CEP350: variants seen among roughly 807,000 people sequenced by gnomAD.
CEP350 encodes centrosomal protein 350.
Under a neutral mutation model 331.8 loss-of-function variants are expected in CEP350, and 126 were observed. The observed-to-expected ratio is 0.38, with a 90% CI of 0.33 to 0.44. The LOEUF (loss-of-function observed/expected upper bound fraction) is 0.44. Among genes scored for constraint, CEP350 ranks in the 20% least tolerant of loss-of-function variants. The probability of loss-of-function intolerance (pLI) is 1.00; values close to 1 mark genes in which losing one functional copy is unlikely to be tolerated. For synonymous variants in CEP350, 1,200 were observed against 1,259.5 expected (o/e 0.95, Z 1.00); for missense variants, 3,406 against 3,634.6 (o/e 0.94, Z 1.62).
Position 180,061,186 on chromosome 1 carries a change from CATTGATTGATTG to C in CEP350, c.5263-1016_5263-1005del, listed in dbSNP as rs145891471. 4.4e-3 allele frequency among the ~76,000 whole-genome samples: 662 copies of C among 150,546 alleles called. 4 individuals carry two copies. The highest frequency in any genetic ancestry group is 0.015 in the African/African-American group (630 of 41,072). ...TTATTATGCTTTATTGATAAGAAAA[CATTGATTGATTG>C]ATTGATTGATTGATTGAGACAGGGT... On this transcript the variant is annotated intron_variant, in intron 25 of 37. Transcript: ENST00000367607.
chr1:179,973,857 C>T (rs1426780431), intron 1 of CEP350, among the ~76,000 whole-genome samples: 7 of 151,678 alleles, frequency 4.6e-5, no homozygotes, highest in Admixed American at 3.3e-4. Context: ...CATTTACTGC[C>T]GTAGTGATAA....
intron 1 of CEP350, among the ~76,000 whole-genome samples, chr1:179,959,704 A>G (rs1357270936): frequency 6.6e-6 from 1 of 152,170 alleles, no homozygotes; most frequent in Non-Finnish European, 1.5e-5. Flanking sequence ...CAGTGAGCCA[A>G]GATTGCACCA....
At chr1:180,006,709 T>C (rs541490918) in intron 8 of CEP350, 142 bp downstream of exon 8, 2 of 587,644 alleles carry the variant, frequency 3.4e-6, no homozygotes, top group South Asian at 4.4e-5. Flanking sequence ...GCTGTACCCA[T>C]TAACCCGTCA....
chr1:180,092,867 A>C lies in CEP350; in HGVS notation c.6762A>C (p.Lys2254Asn). Residue 2254 changes from lysine to asparagine, a missense_variant, in exon 34 of 38, where the codon AAA (lysine) becomes AAC (asparagine). Lys to Asn is a moderately conservative substitution (Grantham distance 94, BLOSUM62 0). Coordinates refer to ENST00000367607, the MANE Select transcript of CEP350 (RefSeq NM_014810.5). ...MSDGKVGESS[K>N]KSEIKEIEYT... ...ATGGCAAGGTTGGAGAATCTAGTAA[A>C]AAATCAGAAATAAAAGAAATAGAGT... 1.9e-6 allele frequency: 3 copies of C among 1,567,158 alleles called. No homozygotes were observed. The highest frequency in any genetic ancestry group is 2.6e-6 in the Non-Finnish European group (3 of 1,154,886).
At chr1:180,100,085 G>A (rs1170458613) in intron 37 of CEP350, among the ~76,000 whole-genome samples, 1 of 152,074 alleles carries the variant, frequency 6.6e-6, no homozygotes, top group Non-Finnish European at 1.5e-5. Context: ...CGCGCCCAGT[G>A]TCTTATGCCT....
At position 180,094,537 on chromosome 1, in the gene CEP350, G is replaced by A; in HGVS notation, c.8432G>A (p.Ser2811Asn). 1.2e-6 allele frequency: 2 copies of A among 1,613,926 alleles called. No homozygotes were observed. The highest frequency in any genetic ancestry group is 1.7e-6 in the Non-Finnish European group (2 of 1,179,844). The change falls in exon 34 of 38, where the codon AGT (serine) becomes AAT (asparagine). Residue 2811 changes from serine (S) to asparagine (N), a missense_variant. Ser to Asn is a conservative substitution (Grantham distance 46). Transcript: ENST00000367607. The part of the protein sequence containing the change: ...LSQNVEEQSP[S>N]ISGCFLSSEL... ...CAAAATGTTGAGGAACAGTCGCCAAGTATTTCAGGTTGCTTCTTAAGTTCT... is the reference window on the plus strand; with the variant it reads ...CAAAATGTTGAGGAACAGTCGCCAAATATTTCAGGTTGCTTCTTAAGTTCT...
At chr1:179,995,821 C>T (rs1156888105) in intron 5 of CEP350, among the ~76,000 whole-genome samples, 4 of 152,172 alleles carry the variant, frequency 2.6e-5, no homozygotes, top group Admixed American at 6.5e-5. Flanking sequence ...TTGTGGTTAA[C>T]AGATTTAACA....
intron 1 of CEP350, among the ~76,000 whole-genome samples, chr1:179,969,847 C>T (rs762086760): frequency 1.3e-5 from 2 of 152,066 alleles, no homozygotes; most frequent in South Asian, 4.1e-4. Context: ...CCCTCACTTC[C>T]TCTCCTTGGA....
chr1:179,969,424 T>TAA, intron 1 of CEP350: 1 of 505,308 alleles, frequency 2.0e-6, no homozygotes, highest in Non-Finnish European at 3.9e-6. Context: ...AGTTTCCTAC[T>TAA]AAAGACTGGA....
chr1:180,044,966 C>G (rs1254810730), intron 21 of CEP350, among the ~76,000 whole-genome samples: 3 of 150,612 alleles, frequency 2.0e-5, no homozygotes, highest in Non-Finnish European at 2.9e-5. Flanking sequence ...CTTAATTTAT[C>G]TGCCTTCAAA....
At chr1:179,978,708 T>C (rs1323779344) in intron 1 of CEP350, among the ~76,000 whole-genome samples, 2 of 152,160 alleles carry the variant, frequency 1.3e-5, no homozygotes, top group African/African-American at 4.8e-5. Flanking sequence ...GTAAATGACA[T>C]AATTTTTTTC....
chr1:180,010,404 C>CTTTT (rs60408983), intron 8 of CEP350, among the ~76,000 whole-genome samples: 1 of 119,802 alleles, frequency 8.3e-6, no homozygotes, highest in East Asian at 2.4e-4. Flanking sequence ...CCCATGTTTG[C>CTTTT]TTTTTTTTTT....
At chr1:179,958,797 A>T (rs1650364608) in intron 1 of CEP350, among the ~76,000 whole-genome samples, 1 of 152,234 alleles carries the variant, frequency 6.6e-6, no homozygotes, top group Non-Finnish European at 1.5e-5. Context: ...AAGAATGTTC[A>T]TGATATAAAA....
intron 25 of CEP350, among the ~76,000 whole-genome samples, chr1:180,055,708 G>A (rs1657790678): frequency 6.6e-6 from 1 of 151,786 alleles, no homozygotes; most frequent in South Asian, 2.1e-4. Context: ...ACCGCGCCTG[G>A]CTAATTTTTT....
chr1:180,090,833 A>T (rs777047448), intron 33 of CEP350, 37 bp downstream of exon 33: 1 of 1,507,708 alleles, frequency 6.6e-7, no homozygotes, highest in African/African-American at 1.4e-5. Flanking sequence ...TTGTAGCTAC[A>T]TAGTCTAAGG....
intron 27 of CEP350, among the ~76,000 whole-genome samples, chr1:180,069,306 C>T (rs1287034078): frequency 6.6e-6 from 1 of 152,124 alleles, no homozygotes; most frequent in Non-Finnish European, 1.5e-5. Flanking sequence ...TATTTTATGA[C>T]ATTTCTCTGT....
At chr1:180,090,523 G>GCGAC (rs1660114270) in intron 32 of CEP350, among the ~76,000 whole-genome samples, 191 bp from the exon 33 acceptor site, 1 of 124,740 alleles carries the variant, frequency 8.0e-6, no homozygotes, top group Non-Finnish European at 1.6e-5. Context: ...TCCAGCCTGG[G>GCGAC]CGACAGAGCG....
intron 27 of CEP350, among the ~76,000 whole-genome samples, chr1:180,069,828 T>A (rs1658777913): frequency 6.6e-6 from 1 of 152,214 alleles, no homozygotes; most frequent in South Asian, 2.1e-4. Context: ...GTAATAGAAT[T>A]AAAAACCCAG....
rs1655261926 is a variant in CEP350 at position 180,020,585 on chromosome 1, G to T, written c.2811G>T (p.Val937=). Residue 937 remains valine, a synonymous_variant, in exon 12 of 38, where the codon GTG becomes GTT. Transcript: ENST00000367607. ...AGAGTGCCATATCAAGCTTTAGAGT[G>T]AGATCCCCTGGTCCCAAACCAGAAG... ...RPQSAISSFR[V]RSPGPKPEGL... The T allele has an allele frequency of 6.2e-7, 1 of 1,613,868 alleles. No individual in the cohort carries two copies. Among genetic ancestry groups the T allele is most frequent in the Admixed American group, 1.7e-5 (1 of 60,002 alleles).
Sources: gnomAD v4.1 joint callset for allele counts (sites outside exome capture counted in the v4.1 genomes callset) on GRCh38, gnomAD v4.1.1 for gene constraint, MANE v1.5 for transcripts, NCBI Gene and HGNC (gene_info 2026-07-23, HGNC 2026-07-21) for gene names.